The following CTNND2 variants were observed in gnomAD, a reference collection of about 807,000 sequenced individuals.
CTNND2 encodes the protein catenin delta 2.
Under a neutral mutation model 144.4 loss-of-function variants are expected in CTNND2, and 22 were observed. The observed-to-expected ratio is 0.15, with a 90% confidence interval of 0.11 to 0.22. The LOEUF (loss-of-function observed/expected upper bound fraction) is 0.22. Ranked by LOEUF, CTNND2 falls within the 10% of genes least tolerant of loss-of-function variation. CTNND2 has a pLI of 1.00. For missense variants in CTNND2, 1,353 were observed against 1,618.8 expected, an observed-to-expected ratio of 0.84 and a Z score of 2.82; for synonymous variants, 751 against 695.6, an observed-to-expected ratio of 1.08 and a Z score of -1.25.
At chr5:11,715,387 GTAA>G (rs1786294682) in intron 2 of CTNND2, among the ~76,000 whole-genome samples, 1 of 152,192 alleles carries the variant, frequency 6.6e-6, no homozygotes, top group South Asian at 2.1e-4. Context: ...AAGGCAGTTT[GTAA>G]CCATTCCTTC....
chr5:11,137,012 G>A (rs563427312), intron 12 of CTNND2, among the ~76,000 whole-genome samples: 1 of 152,340 alleles, frequency 6.6e-6, no homozygotes, highest in Admixed American at 6.5e-5. Flanking sequence ...TTCCTGCAAA[G>A]CCCATGAAAA....
chr5:11,404,588 T>C lies in CTNND2; in HGVS notation c.439+6948A>G, dbSNP rs188838255. ...TGCCTTATTGTTTGATCAGTATCTG[T>C]CAGTATCTGTATTCTTTTTTTTTTT... is the stretch of plus-strand genomic sequence containing the variant. On this transcript the variant is annotated intron_variant, in intron 5 of 21. Transcript: ENST00000304623. Among the ~76,000 whole-genome samples the C allele has an allele frequency of 2.2e-4, 32 of 143,636 alleles. No individual in the cohort carries two copies. The Admixed American group carries it at 2.3e-3, about 10-fold the overall frequency. 94.2% of individuals were successfully genotyped at this position (143,636 alleles called of 152,430 possible). A position where few individuals can be genotyped will look rare whatever the true frequency, so the allele number is the denominator to read the frequency against.
intron 3 of CTNND2, among the ~76,000 whole-genome samples, chr5:11,509,521 C>T (rs900667445): frequency 8.6e-5 from 13 of 151,924 alleles, no homozygotes; most frequent in East Asian, 1.9e-4. Flanking sequence ...GGTTAAAGAG[C>T]GGATCACATA....
chr5:10,991,739 A>G (rs1381029470), intron 19 of CTNND2, among the ~76,000 whole-genome samples: 2 of 152,262 alleles, frequency 1.3e-5, no homozygotes, highest in Admixed American at 1.3e-4. Flanking sequence ...ATAATAATTT[A>G]TCAGTGGCAT....
chr5:11,170,371 CAT>C (rs1759775522), intron 11 of CTNND2, among the ~76,000 whole-genome samples: 1 of 152,126 alleles, frequency 6.6e-6, no homozygotes, highest in Non-Finnish European at 1.5e-5. Flanking sequence ...GAAGGAAGAA[CAT>C]TCAGTTTTAT....
At chr5:11,301,473 TATC>T in intron 9 of CTNND2, among the ~76,000 whole-genome samples, 2 of 152,274 alleles carry the variant, frequency 1.3e-5, no homozygotes, top group African/African-American at 4.8e-5. Flanking sequence ...GAAGGAACTG[TATC>T]ATGTTTTAGA....
chr5:11,232,697 T>C (rs1741169958), intron 10 of CTNND2, among the ~76,000 whole-genome samples: 1 of 152,246 alleles, frequency 6.6e-6, no homozygotes, highest in African/African-American at 2.4e-5. Flanking sequence ...CTTGGACTTT[T>C]GGGTTAATGC....
At chr5:11,359,731 G>T (rs1445466774) in intron 8 of CTNND2, among the ~76,000 whole-genome samples, 1 of 152,186 alleles carries the variant, frequency 6.6e-6, no homozygotes, top group Admixed American at 6.5e-5. Flanking sequence ...ATACCCTTCT[G>T]CTGGGCCTAG....
intron 12 of CTNND2, among the ~76,000 whole-genome samples, chr5:11,122,386 G>A (rs1754233516): frequency 6.6e-6 from 1 of 152,024 alleles, no homozygotes; most frequent in Non-Finnish European, 1.5e-5. Context: ...TTTCTCACCC[G>A]TCTACAACCT....
chr5:11,435,771 G>A (rs1763716996), intron 3 of CTNND2, among the ~76,000 whole-genome samples: 1 of 152,158 alleles, frequency 6.6e-6, no homozygotes, highest in Non-Finnish European at 1.5e-5. Context: ...CAAACCTCAA[G>A]TCTTCCAATT....
At chr5:11,846,453 G>C (rs868513339) in intron 1 of CTNND2, among the ~76,000 whole-genome samples, 11 of 152,054 alleles carry the variant, frequency 7.2e-5, no homozygotes, top group African/African-American at 2.4e-4. Flanking sequence ...CTAAATAGAT[G>C]AAAGACTTAA....
intron 13 of CTNND2, among the ~76,000 whole-genome samples, chr5:11,114,108 C>T (rs148126363): frequency 5.3e-5 from 8 of 152,242 alleles, no homozygotes; most frequent in East Asian, 3.9e-4. Context: ...AAGAGAGAAA[C>T]GACTCTCATT....
chr5:11,523,592 G>A (rs765074548), intron 3 of CTNND2, among the ~76,000 whole-genome samples: 3 of 152,190 alleles, frequency 2.0e-5, no homozygotes, highest in Non-Finnish European at 2.9e-5. Context: ...TTTCTTCAGA[G>A]AAGAACTTTT....
intron 9 of CTNND2, among the ~76,000 whole-genome samples, chr5:11,291,440 T>C (rs1580812251): frequency 6.6e-6 from 1 of 152,202 alleles, no homozygotes; most frequent in Non-Finnish European, 1.5e-5. Context: ...ATGAAGTAAA[T>C]CATTTTCCCA....
intron 2 of CTNND2, among the ~76,000 whole-genome samples, chr5:11,668,734 A>G (rs1783708060): frequency 6.6e-6 from 1 of 152,012 alleles, no homozygotes; most frequent in African/African-American, 2.4e-5. Flanking sequence ...ACTTCCTCAT[A>G]TCCTAACTGG....
At chr5:11,706,371 G>A (rs1429531450) in intron 2 of CTNND2, among the ~76,000 whole-genome samples, 1 of 152,142 alleles carries the variant, frequency 6.6e-6, no homozygotes, top group Admixed American at 6.5e-5. Context: ...GCCGAGCAAG[G>A]GATAGGGATG....
rs1487141358 is a variant in CTNND2, at chr5:11,384,329, C to G, written c.1177+336G>C. On this transcript the variant is annotated intron_variant, in intron 7 of 21. Coordinates refer to ENST00000304623, the MANE Select transcript of CTNND2 (RefSeq NM_001332.4). This position sits in a 1 kb window ranked among gnomAD's most constrained non-coding sequence, Gnocchi z 5.2. ...ACTTGTTTTGCTTTTTTTCTGGATA[C>G]CATCAACAGGTCTATGGGATGCTTT... Among the ~76,000 whole-genome samples the G allele has an allele frequency of 6.6e-6, 1 of 152,100 alleles. No individual in the cohort carries two copies. The highest frequency in any genetic ancestry group is 1.5e-5 in the Non-Finnish European group (1 of 68,008).
At chr5:11,700,900 T>C (rs1785403808) in intron 2 of CTNND2, among the ~76,000 whole-genome samples, 2 of 152,208 alleles carry the variant, frequency 1.3e-5, no homozygotes, top group African/African-American at 4.8e-5. Flanking sequence ...ATCTGTCATG[T>C]TGAAAGAATA....
At chr5:11,272,246 T>C (rs888019716) in intron 9 of CTNND2, among the ~76,000 whole-genome samples, 1 of 152,320 alleles carries the variant, frequency 6.6e-6, no homozygotes. Context: ...TCGCTCACCA[T>C]CTACTGTGAA....
Sources: gnomAD v4.1 joint callset for allele counts (sites outside exome capture counted in the v4.1 genomes callset) on GRCh38, gnomAD v4.1.1 for gene constraint, Gnocchi (gnomAD v3.1) non-coding constraint, MANE v1.5 for transcripts, NCBI Gene and HGNC (gene_info 2026-07-23, HGNC 2026-07-21) for gene names.